Variants in TENM1 observed in about 807,000 individuals in gnomAD.
TENM1 encodes teneurin-1.
TENM1 carries 35 observed loss-of-function variants against 174.8 expected under a neutral mutation model. That is an observed-to-expected ratio of 0.20 (90% CI 0.15 to 0.27). The LOEUF (loss-of-function observed/expected upper bound fraction) is 0.27, where lower values mean the gene tolerates loss of function less well. TENM1 is among the 10% of genes least tolerant of loss of function. The pLI is 1.00. For missense variants in TENM1, 1,633 were observed against 2,130.1 expected (o/e 0.77, Z 4.59); for synonymous variants, 781 against 798.7 (o/e 0.98, Z 0.37).
intron 27 of TENM1, among the ~76,000 whole-genome samples, chrX:124,397,082 G>C (rs1569529097): frequency 9.0e-6 from 1 of 110,855 alleles, no homozygotes; most frequent in Non-Finnish European, 1.9e-5. Flanking sequence ...GTTCATACTA[G>C]GACCAGAGAG....
At chrX:124,554,827 G>A (rs1005742124) in intron 14 of TENM1, among the ~76,000 whole-genome samples, 2 of 111,505 alleles carry the variant, frequency 1.8e-5, no homozygotes, top group Non-Finnish European at 3.8e-5. Flanking sequence ...TTAATGAATG[G>A]TGACTTGTTA....
chrX:125,142,478 G>A, the TENM1 span, among the ~76,000 whole-genome samples: 1 of 110,568 alleles, frequency 9.0e-6, no homozygotes, highest in Non-Finnish European at 1.9e-5. Context: ...TGAGAGAGTG[G>A]GTCTCAGCTC....
intron 15 of TENM1, among the ~76,000 whole-genome samples, chrX:124,539,542 T>C (rs1251815785): frequency 8.9e-6 from 1 of 111,751 alleles, no homozygotes; most frequent in East Asian, 2.8e-4. Context: ...ATTTAAAGAG[T>C]GAAATGATTA....
chrX:124,536,286 C>A (rs929485293), intron 15 of TENM1, among the ~76,000 whole-genome samples: 1 of 110,977 alleles, frequency 9.0e-6, no homozygotes, highest in Admixed American at 9.6e-5. Context: ...TGCTCATATG[C>A]AAACCCAATA....
chrX:124,969,789 T>C, the TENM1 span, among the ~76,000 whole-genome samples: 1 of 112,029 alleles, frequency 8.9e-6, no homozygotes, highest in South Asian at 3.7e-4. Flanking sequence ...TGTGGCAGAA[T>C]GATCTTAGGA....
chrX:124,403,529 A>AG (rs1262616935), intron 27 of TENM1, among the ~76,000 whole-genome samples: 1 of 108,050 alleles, frequency 9.3e-6, no homozygotes, highest in Non-Finnish European at 1.9e-5. Context: ...TCAAAAAAAA[A>AG]AAAAGAAAAA....
the TENM1 span, among the ~76,000 whole-genome samples, chrX:124,992,139 A>G: frequency 7.2e-4 from 80 of 111,272 alleles, 1 homozygote; most frequent in East Asian, 0.017. Flanking sequence ...TCCCTGAAGC[A>G]TGCTCAACAT....
the TENM1 span, among the ~76,000 whole-genome samples, chrX:125,017,869 G>T: frequency 2.7e-5 from 3 of 111,184 alleles, no homozygotes; most frequent in African/African-American, 9.8e-5. Context: ...GAGCCTATCA[G>T]GGGTTGGGGG....
At chrX:124,492,798 T>G (rs932429937) in intron 20 of TENM1, among the ~76,000 whole-genome samples, 1 of 110,204 alleles carries the variant, frequency 9.1e-6, no homozygotes, top group Non-Finnish European at 1.9e-5. Flanking sequence ...CTACAGGGAC[T>G]GGTTGCTGGT....
intron 3 of TENM1, among the ~76,000 whole-genome samples, chrX:124,780,333 T>C (rs1365851542): frequency 8.9e-6 from 1 of 112,320 alleles, no homozygotes; most frequent in Non-Finnish European, 1.9e-5. Flanking sequence ...TTAAGAAATA[T>C]AGTTCTGCTA....
At chrX:124,922,111 C>T (rs2058031371) in intron 1 of TENM1, among the ~76,000 whole-genome samples, 1 of 110,884 alleles carries the variant, frequency 9.0e-6, no homozygotes, top group South Asian at 3.8e-4. Context: ...GAGTGATATA[C>T]TTTTTGAATT....
At chrX:125,000,140 A>G in the TENM1 span, among the ~76,000 whole-genome samples, 1 of 111,859 alleles carries the variant, frequency 8.9e-6, no homozygotes, top group Non-Finnish European at 1.9e-5. Flanking sequence ...CCATTTTTGC[A>G]GTGCATTGTA....
At chrX:125,193,791 T>A in the TENM1 span, among the ~76,000 whole-genome samples, 2 of 110,608 alleles carry the variant, frequency 1.8e-5, no homozygotes, top group African/African-American at 6.6e-5. Context: ...CAGATCTGTA[T>A]TTTTTTAGAA....
the TENM1 span, among the ~76,000 whole-genome samples, chrX:125,013,225 G>C: frequency 8.9e-6 from 1 of 111,778 alleles, no homozygotes; most frequent in East Asian, 2.8e-4. Flanking sequence ...AGACTATACT[G>C]ATTGTCAAAA....
intron 4 of TENM1, among the ~76,000 whole-genome samples, chrX:124,719,871 G>T (rs143429679): frequency 1.8e-5 from 2 of 111,834 alleles, no homozygotes; most frequent in African/African-American, 6.5e-5. Context: ...CGGATTCACG[G>T]GGTGCAGTAT....
intron 3 of TENM1, among the ~76,000 whole-genome samples, chrX:124,788,080 T>G (rs2055084378): frequency 9.0e-6 from 1 of 111,549 alleles, no homozygotes. Flanking sequence ...TTCACTATCA[T>G]GACAGCAGCC....
intron 1 of TENM1, among the ~76,000 whole-genome samples, chrX:124,900,791 C>CT (rs370775010): frequency 0.051 from 4,967 of 98,126 alleles, 361 homozygotes; most frequent in African/African-American, 0.17. Flanking sequence ...TCTTCTTCTT[C>CT]TTTTTTTTTT....
At position 124,936,978 on chromosome X, in the gene TENM1, G is replaced by A. The variant is rs181494003; in HGVS notation, c.217+26559C>T. Among the ~76,000 whole-genome samples the A allele has an allele frequency of 6.6e-3, 718 of 109,103 alleles. 3 individuals carry two copies. Among genetic ancestry groups the A allele is most frequent in the South Asian group, 0.02 (50 of 2,444 alleles). The allele number at this position is 109,103 out of a possible 115,157, so 94.7% of individuals were successfully genotyped here. A position where few individuals can be genotyped will look rare whatever the true frequency, so the allele number is the denominator to read the frequency against. ...GGAGAATTGCTTGACCCAGGGAGGC[G>A]GAGGTTGCAGTGAACCACGATCACG... On this transcript the variant is annotated intron_variant, in intron 1 of 31. Coordinates refer to ENST00000422452, the Ensembl canonical transcript of TENM1.
chrX:124,976,419 T>A, the TENM1 span, among the ~76,000 whole-genome samples: 3 of 111,639 alleles, frequency 2.7e-5, no homozygotes, highest in South Asian at 1.1e-3. Flanking sequence ...ACAGAATCTC[T>A]GAAATAAGGT....
Sources: gnomAD v4.1 joint callset for allele counts (sites outside exome capture counted in the v4.1 genomes callset) on GRCh38, gnomAD v4.1.1 for gene constraint, MANE v1.5 for transcripts, NCBI Gene and HGNC (gene_info 2026-07-23, HGNC 2026-07-21) for gene names.